Variants in PLEKHA7 observed in about 807,000 individuals in gnomAD.
The protein encoded by PLEKHA7 is pleckstrin homology domain containing A7, also known as pleckstrin homology domain-containing family A member 7.
In PLEKHA7, 104 loss-of-function variants were observed where a neutral mutation model predicts 170.0. The ratio of observed to expected loss-of-function variants is 0.61; its 90% CI spans 0.52 to 0.72. The LOEUF (loss-of-function observed/expected upper bound fraction) is 0.72, where lower values mean the gene tolerates loss of function less well. Ranked by LOEUF, PLEKHA7 falls within the 30% of genes least tolerant of loss-of-function variation. The pLI, the probability that PLEKHA7 is intolerant of heterozygous loss-of-function variation, is 0.00. For synonymous variants in PLEKHA7, 648 were observed against 660.8 expected (o/e 0.98, Z 0.30); for missense variants, 1,615 against 1,671.7 (o/e 0.97, Z 0.59).
chr11:16,966,446 T>C (rs1862380538), intron 3 of PLEKHA7, among the ~76,000 whole-genome samples: 1 of 152,076 alleles, frequency 6.6e-6, no homozygotes, highest in Non-Finnish European at 1.5e-5. Context: ...GTCCACCCTG[T>C]GGAGCCCATT....
At chr11:16,870,525 C>G (rs897044086) in intron 4 of PLEKHA7, among the ~76,000 whole-genome samples, 1 of 151,168 alleles carries the variant, frequency 6.6e-6, no homozygotes, top group Non-Finnish European at 1.5e-5. Context: ...GCGACTTGGG[C>G]GGCTGAGACA....
rs1854803588 is a variant in PLEKHA7 at position 16,871,111 on chromosome 11, A to C, written c.293T>G (p.Ile98Ser). Residue 98 changes from isoleucine (I) to serine (S), a missense_variant, in exon 4 of 27, where the codon ATT becomes AGT. Physicochemically the swap from Ile to Ser is moderately radical, Grantham distance 142. Transcript: ENST00000531066. ...GQFSPENSEF[I>S]LQEEPNPHMS... The stretch of plus-strand genomic sequence containing the variant: ...TAAAAAGACTTACTCTTCTTGAAGA[A>C]TGAATTCACTATTTTCTGGAGAAAA... 3 of 1,596,904 alleles carry C rather than the reference A, an allele frequency of 1.9e-6. No individual in the cohort carries two copies. Among genetic ancestry groups the C allele is most frequent in the Non-Finnish European group, 2.6e-6 (3 of 1,164,634 alleles).
rs1849875916 is a variant in PLEKHA7 at position 16,817,636 on chromosome 11, A to C, written c.1344-314T>G. ...CCAGCAGTCAGCTCTTTCAATGGCT[A>C]TGCATATTTATAGGAAAGGCCTCAC... On this transcript the variant is annotated intron_variant, in intron 10 of 26. Coordinates refer to ENST00000531066, the MANE Select transcript of PLEKHA7 (RefSeq NM_001329630.2). The surrounding 1 kb of genome is among the most constrained non-coding windows in gnomAD (Gnocchi z 4.4). Among the ~76,000 whole-genome samples the C allele has an allele frequency of 6.6e-6, 1 of 152,164 alleles. No individual in the cohort carries two copies. The highest frequency in any genetic ancestry group is 2.4e-5 in the African/African-American group (1 of 41,418).
chr11:16,987,716 T>C (rs111422925), intron 3 of PLEKHA7, among the ~76,000 whole-genome samples: 212 of 152,322 alleles, frequency 1.4e-3, no homozygotes, highest in African/African-American at 4.9e-3. Flanking sequence ...AGCCTCTGTC[T>C]AGGCCCAACT....
At chr11:17,004,560 T>G (rs537251721) in intron 3 of PLEKHA7, among the ~76,000 whole-genome samples, 19 of 152,076 alleles carry the variant, frequency 1.2e-4, no homozygotes, top group African/African-American at 4.1e-4. Context: ...ACCCAGCTAA[T>G]TTTTGTATTT....
intron 3 of PLEKHA7, among the ~76,000 whole-genome samples, chr11:17,002,726 T>C (rs1365903767): frequency 6.6e-6 from 1 of 152,206 alleles, no homozygotes; most frequent in East Asian, 1.9e-4. Flanking sequence ...TGTCCTTTAG[T>C]GGTCAGAGCC....
At chr11:16,790,141 ACTGGGCTGC>A in intron 21 of PLEKHA7, 1 of 474,110 alleles carries the variant, frequency 2.1e-6, no homozygotes, top group Non-Finnish European at 3.8e-6. Context: ...CATGCAGATG[ACTGGGCTGC>A]CTGGCAGGTA....
intron 3 of PLEKHA7, among the ~76,000 whole-genome samples, chr11:16,926,717 T>C (rs1357284496): frequency 6.6e-6 from 1 of 152,188 alleles, no homozygotes; most frequent in Non-Finnish European, 1.5e-5. Context: ...CTTGCTTCCA[T>C]TCACAGGTGG....
At position 16,816,220 on chromosome 11, in the gene PLEKHA7, G is replaced by A. The variant is rs775230696; in HGVS notation, c.1911C>T (p.Tyr637=). 1 of 1,613,990 alleles carries A rather than the reference G, an allele frequency of 6.2e-7. No individual in the cohort carries two copies. Among genetic ancestry groups the A allele is most frequent in the East Asian group, 2.2e-5 (1 of 44,876 alleles). The part of the protein sequence containing the change: ...VDRRSMPSMG[Y]MTHTVSAPSL... ...TGGGAGCGCTGACGGTGTGGGTCAT[G>A]TAACCCATGGAGGGCATGGAGCGTC... Residue 637 remains tyrosine (Y), a synonymous_variant, in exon 12 of 27, where the codon TAC becomes TAT. Coordinates refer to ENST00000531066, the MANE Select transcript of PLEKHA7 (RefSeq NM_001329630.2).
In PLEKHA7 at chr11:16,905,655, G is replaced by T. The variant is rs187034360; in HGVS notation, c.222-34473C>A. On this transcript the variant is annotated intron_variant, in intron 3 of 26. Transcript: ENST00000531066. ...AGCTGGGTAAGAAGGCCTCAGAAATGACTGGAGAGGGAGATCAGTTTGTTT... is the reference window on the plus strand; with the variant it reads ...AGCTGGGTAAGAAGGCCTCAGAAATTACTGGAGAGGGAGATCAGTTTGTTT... Among the ~76,000 whole-genome samples the T allele has an allele frequency of 3.0e-3, 450 of 152,264 alleles. 1 individual carries two copies. Among genetic ancestry groups the T allele is most frequent in the Middle Eastern group, 6.8e-3 (2 of 294 alleles).
Position 16,778,578 on chromosome 11 carries a change from G to A in PLEKHA7, c.*420C>T, listed in dbSNP as rs1490307743. On this transcript the variant is annotated 3_prime_UTR_variant, in exon 27 of 27. Transcript: ENST00000531066. ...CTCTTTAAATCTCACTTTCTCCTGA[G>A]GTCATTGGAAGTTGGACTAGCCTCG... 2 of 247,166 alleles carry A rather than the reference G, an allele frequency of 8.1e-6. No individual in the cohort carries two copies. The highest frequency in any genetic ancestry group is 4.5e-5 in the African/African-American group (2 of 44,636). 15.3% of individuals were successfully genotyped at this position (247,166 alleles called of 1,614,324 possible). A position where few individuals can be genotyped will look rare whatever the true frequency, so the allele number is the denominator to read the frequency against.
At chr11:16,938,544 T>C (rs1280956893) in intron 3 of PLEKHA7, among the ~76,000 whole-genome samples, 3 of 152,226 alleles carry the variant, frequency 2.0e-5, no homozygotes, top group African/African-American at 4.8e-5. Flanking sequence ...TCATTAAATG[T>C]GTAACTGAAG....
At chr11:16,946,530 A>T (rs1861042200) in intron 3 of PLEKHA7, among the ~76,000 whole-genome samples, 1 of 152,116 alleles carries the variant, frequency 6.6e-6, no homozygotes, top group Non-Finnish European at 1.5e-5. Context: ...GACTTTTTTG[A>T]TGTGTTCAAA....
At chr11:16,820,501 A>T (rs982125299) in intron 10 of PLEKHA7, among the ~76,000 whole-genome samples, 2 of 152,200 alleles carry the variant, frequency 1.3e-5, no homozygotes, top group Admixed American at 1.3e-4. Context: ...AAAGTTAGAC[A>T]CAAATGTGCC....
chr11:16,794,934 G>T lies in PLEKHA7; in HGVS notation c.2494C>A (p.Leu832Ile). The T allele has an allele frequency of 6.2e-7, 1 of 1,611,866 alleles. No individual in the cohort carries two copies. The highest frequency in any genetic ancestry group is 8.5e-7 in the Non-Finnish European group (1 of 1,178,942). Residue 832 changes from leucine (L) to isoleucine (I), a missense_variant, in exon 18 of 27, where the codon CTA (leucine) becomes ATA (isoleucine). Transcript: ENST00000531066. ...LSANKENFRI[L>I]VESVKNPERK... ...CCCGGATTTTTTACTGACTCCACTA[G>T]AATTCTGAAGTTCTCTTTATTTGCA...
At chr11:16,795,545 A>G (rs1848164250) in intron 17 of PLEKHA7, among the ~76,000 whole-genome samples, 1 of 152,152 alleles carries the variant, frequency 6.6e-6, no homozygotes, top group Admixed American at 6.5e-5. Flanking sequence ...TTATCCCCGC[A>G]CTTTGGGAGG....
intron 12 of PLEKHA7, 74 bp downstream of exon 12, chr11:16,816,104 A>G (rs1849731394): frequency 7.9e-7 from 1 of 1,264,936 alleles, no homozygotes; most frequent in Non-Finnish European, 1.2e-6. Flanking sequence ...TCTGGACTGC[A>G]TTGTACTAAC....
At chr11:16,996,658 C>T (rs966223140) in intron 3 of PLEKHA7, among the ~76,000 whole-genome samples, 44 of 152,208 alleles carry the variant, frequency 2.9e-4, no homozygotes, top group Non-Finnish European at 6.0e-4. Context: ...TCTCAGAGGC[C>T]GGGCGCAGTG....
intron 3 of PLEKHA7, among the ~76,000 whole-genome samples, chr11:16,925,157 C>A (rs1206307706): frequency 6.6e-6 from 1 of 152,228 alleles, no homozygotes; most frequent in Non-Finnish European, 1.5e-5. Flanking sequence ...CCCCGCAGCC[C>A]GCACGCCTGC....
Sources: gnomAD v4.1 joint callset for allele counts (sites outside exome capture counted in the v4.1 genomes callset) on GRCh38, gnomAD v4.1.1 for gene constraint, Gnocchi (gnomAD v3.1) non-coding constraint, MANE v1.5 for transcripts, NCBI Gene and HGNC (gene_info 2026-07-23, HGNC 2026-07-21) for gene names.